The following GSE1 variants were observed in gnomAD, a reference collection of about 807,000 sequenced individuals.
The protein encoded by GSE1 is Gse1 coiled-coil protein.
In GSE1, 32 loss-of-function variants were observed where a neutral mutation model predicts 112.6. The ratio of observed to expected loss-of-function variants is 0.28; its 90% CI spans 0.21 to 0.38. The LOEUF (loss-of-function observed/expected upper bound fraction) is 0.38, where lower values mean the gene tolerates loss of function less well. Among genes scored for constraint, GSE1 ranks in the 10% least tolerant of loss-of-function variants. The pLI is 1.00. For synonymous variants in GSE1, 1,115 were observed against 735.6 expected (o/e 1.52, Z -8.35); for missense variants, 2,348 against 1,699.2 (o/e 1.38, Z -6.71).
chr16:85,179,547 A>T (rs2074539051), intron 1 of GSE1, among the ~76,000 whole-genome samples: 1 of 151,984 alleles, frequency 6.6e-6, no homozygotes. Flanking sequence ...GTCACTGGAG[A>T]TTTAACCCTC....
chr16:85,329,604 G>A (rs1032739910), intron 1 of GSE1, among the ~76,000 whole-genome samples: 3 of 151,960 alleles, frequency 2.0e-5, no homozygotes, highest in Non-Finnish European at 4.4e-5. Flanking sequence ...TGCGGGGTGC[G>A]GGGAGAGGGC....
At chr16:85,632,657 C>T (rs1329626917) in intron 1 of GSE1, among the ~76,000 whole-genome samples, 1 of 152,186 alleles carries the variant, frequency 6.6e-6, no homozygotes, top group Admixed American at 6.5e-5. Flanking sequence ...GCAGCCTCTT[C>T]CGGGGAGGAA....
At chr16:85,566,161 AGCTCCCAGCTGTCAT>A (rs973342716) in intron 1 of GSE1, among the ~76,000 whole-genome samples, 2 of 152,266 alleles carry the variant, frequency 1.3e-5, no homozygotes, top group East Asian at 1.9e-4. Flanking sequence ...TTGGGTTGAT[AGCTCCCAGCTGTCAT>A]GCTCCCAGCT....
intron 2 of GSE1, among the ~76,000 whole-genome samples, chr16:85,358,681 G>A (rs1304807142): frequency 1.3e-5 from 2 of 152,182 alleles, no homozygotes; most frequent in Non-Finnish European, 2.9e-5. Flanking sequence ...TTGTGTGGTA[G>A]GCTCCGGGGA....
At chr16:85,310,853 G>T (rs939337542) in intron 1 of GSE1, among the ~76,000 whole-genome samples, 19 of 149,502 alleles carry the variant, frequency 1.3e-4, no homozygotes, top group African/African-American at 4.1e-4. Context: ...GTGTGGCCAG[G>T]TGGGCTGCAA....
At chr16:85,611,500 C>G, upstream of GSE1, 2 of 984,548 alleles carry the variant, frequency 2.0e-6, no homozygotes, top group Non-Finnish European at 1.2e-6. Flanking sequence ...GCAGCACCCC[C>G]GCGCCGTGCC....
intron 1 of GSE1, among the ~76,000 whole-genome samples, chr16:85,342,595 A>G (rs924523365): frequency 4.6e-5 from 7 of 152,086 alleles, no homozygotes; most frequent in Non-Finnish European, 5.9e-5. Context: ...CTCAGAGCGC[A>G]TGTGTTGAGG....
chr16:85,185,144 A>T (rs957226406), intron 1 of GSE1: 5 of 152,196 alleles, frequency 3.3e-5, no homozygotes, highest in African/African-American at 1.2e-4. Context: ...TTCCACTATG[A>T]TGCAGCTCCT....
intron 2 of GSE1, among the ~76,000 whole-genome samples, chr16:85,414,350 C>A (rs563334201): frequency 6.6e-6 from 1 of 152,258 alleles, no homozygotes; most frequent in African/African-American, 2.4e-5. Flanking sequence ...CAACAACCCA[C>A]AATATGGATT....
rs11865681 is a variant in GSE1, at chr16:85,675,938, G to C, written c.*3399G>C. 0.045 allele frequency: 6,925 copies of C among 152,702 alleles called. 449 individuals carry two copies. Among genetic ancestry groups the C allele is most frequent in the East Asian group, 0.17 (905 of 5,188 alleles). The allele number at this position is 152,702 out of a possible 1,614,324, so 9.5% of individuals were successfully genotyped here. A position where few individuals can be genotyped will look rare whatever the true frequency, so the allele number is the denominator to read the frequency against. ...CTTAACTCTGCCTTGACCTGAGGAA[G>C]ACCATGCTAACTGGTGTTATTTTGT... On this transcript the variant is annotated 3_prime_UTR_variant, in exon 16 of 16. Coordinates refer to ENST00000253458, the MANE Select transcript of GSE1 (RefSeq NM_014615.5).
chr16:85,565,896 G>A (rs1002594447), intron 1 of GSE1, among the ~76,000 whole-genome samples: 4 of 152,216 alleles, frequency 2.6e-5, no homozygotes, highest in African/African-American at 9.6e-5. Flanking sequence ...CTTCTGGTGG[G>A]CCCTGTGGGT....
At chr16:85,519,775 T>C (rs2052117786) in intron 2 of GSE1, among the ~76,000 whole-genome samples, 1 of 152,060 alleles carries the variant, frequency 6.6e-6, no homozygotes, top group Admixed American at 6.5e-5. Flanking sequence ...ATCACCACCG[T>C]TGTCATCACC....
intron 1 of GSE1, among the ~76,000 whole-genome samples, chr16:85,341,344 C>T (rs1431858643): frequency 6.6e-6 from 1 of 152,162 alleles, no homozygotes; most frequent in African/African-American, 2.4e-5. Flanking sequence ...CATGTGCTAC[C>T]ATGCTGAGCT....
At chr16:85,643,186 C>T (rs1310640007) in intron 2 of GSE1, among the ~76,000 whole-genome samples, 2 of 152,220 alleles carry the variant, frequency 1.3e-5, no homozygotes, top group East Asian at 1.9e-4. Flanking sequence ...AGAGGTGACG[C>T]GGACACGGGC....
intron 1 of GSE1, among the ~76,000 whole-genome samples, chr16:85,629,813 G>C (rs2049391310): frequency 1.3e-5 from 2 of 152,224 alleles, no homozygotes; most frequent in South Asian, 2.1e-4. Flanking sequence ...CTTTCTGATG[G>C]ATTGAGGGGG....
rs561645034 is a variant in GSE1 at position 85,510,400 on chromosome 16, G to A, written c.2465-123514G>A. Reference sequence around the variant, plus strand: ...TCCCCGCAGCCCAGGACCAGGGCCCGAGCGTGCGTGTGTGTGTGTCTGTGT... The same window carrying A: ...TCCCCGCAGCCCAGGACCAGGGCCCAAGCGTGCGTGTGTGTGTGTCTGTGT... On this transcript the variant is annotated intron_variant, in intron 2 of 2. Transcript: ENST00000637419. Among the ~76,000 whole-genome samples, 9 of 152,220 alleles carry A rather than the reference G, an allele frequency of 5.9e-5. No individual in the cohort carries two copies. The East Asian group carries it at 1.2e-3, about 20-fold the overall frequency.
intron 2 of GSE1, among the ~76,000 whole-genome samples, chr16:85,457,346 C>A (rs985903758): frequency 2.0e-5 from 3 of 152,204 alleles, no homozygotes; most frequent in African/African-American, 7.2e-5. Flanking sequence ...AGACTCCCCC[C>A]AGACTGGACC....
intron 2 of GSE1, among the ~76,000 whole-genome samples, chr16:85,501,439 C>CTGGA (rs563625806): frequency 3.5e-5 from 5 of 142,096 alleles, no homozygotes; most frequent in Non-Finnish European, 7.5e-5. Flanking sequence ...GTTGCCCAGG[C>CTGGA]TGGAGTGTAG....
intron 1 of GSE1, among the ~76,000 whole-genome samples, chr16:85,180,626 A>G (rs138757195): frequency 9.8e-5 from 15 of 152,320 alleles, no homozygotes; most frequent in South Asian, 6.2e-4. Context: ...AGACAAGGCA[A>G]TGGAGGCACA....
Sources: gnomAD v4.1 joint callset for allele counts (sites outside exome capture counted in the v4.1 genomes callset) on GRCh38, gnomAD v4.1.1 for gene constraint, MANE v1.5 for transcripts, NCBI Gene and HGNC (gene_info 2026-07-23, HGNC 2026-07-21) for gene names.